The following CDK19 variants were observed in gnomAD, a reference collection of about 807,000 sequenced individuals.
The protein encoded by CDK19 is cyclin-dependent kinase 19.
CDK19 carries 20 observed loss-of-function variants against 68.3 expected under a neutral mutation model. The observed-to-expected ratio is 0.29, with a 90% CI of 0.21 to 0.43. The LOEUF is 0.43. Ranked by LOEUF, CDK19 falls within the 20% of genes least tolerant of loss-of-function variation. The pLI is 1.00. For synonymous variants in CDK19, 221 were observed against 222.8 expected, an observed-to-expected ratio of 0.99 and a Z score of 0.07; for missense variants, 339 against 623.5, an observed-to-expected ratio of 0.54 and a Z score of 4.86.
intron 1 of CDK19, among the ~76,000 whole-genome samples, chr6:110,751,991 G>C (rs903887318): frequency 1.3e-5 from 2 of 151,814 alleles, no homozygotes; most frequent in African/African-American, 2.4e-5. Flanking sequence ...GCTTAGCCGA[G>C]TAGGAGGCTT....
At chr6:110,687,810 T>C (rs905712649) in intron 2 of CDK19, among the ~76,000 whole-genome samples, 2 of 152,202 alleles carry the variant, frequency 1.3e-5, no homozygotes, top group Non-Finnish European at 2.9e-5. Context: ...ATTATAATAA[T>C]GAAGAATAAG....
chr6:110,764,897 G>A (rs1779466192), intron 1 of CDK19, among the ~76,000 whole-genome samples: 1 of 151,284 alleles, frequency 6.6e-6, no homozygotes, highest in South Asian at 2.1e-4. Flanking sequence ...GTTGCAGTGA[G>A]CCAAGATCGT....
Position 110,689,090 on chromosome 6 carries a change from T to C in CDK19, c.205-18549A>G, listed in dbSNP as rs1490012075. On this transcript the variant is annotated intron_variant, in intron 2 of 12. Coordinates refer to ENST00000368911, the MANE Select transcript of CDK19 (RefSeq NM_015076.5). ...GAATACGGTGGGTGTCAGATCTGCC[T>C]TGCCAAGTGCATGGGAACTGGGTGG... Among the ~76,000 whole-genome samples, 3 of 152,248 alleles carry C rather than the reference T, an allele frequency of 2.0e-5. No homozygotes were observed. In the South Asian group the frequency reaches 6.2e-4, roughly 32 times the overall value.
chr6:110,660,865 TG>T (rs1275325752), intron 4 of CDK19, among the ~76,000 whole-genome samples: 13 of 152,326 alleles, frequency 8.5e-5, no homozygotes, highest in African/African-American at 3.1e-4. Context: ...AAAACAGGGA[TG>T]TAAGTTCTCA....
At chr6:110,640,711 G>A (rs895063903) in intron 4 of CDK19, among the ~76,000 whole-genome samples, 1 of 152,176 alleles carries the variant, frequency 6.6e-6, no homozygotes, top group Non-Finnish European at 1.5e-5. Flanking sequence ...AGCACTTTGG[G>A]AAGTCGAAGC....
intron 1 of CDK19, among the ~76,000 whole-genome samples, chr6:110,782,915 T>C (rs17218274): frequency 0.027 from 4,048 of 152,306 alleles, 81 homozygotes; most frequent in South Asian, 0.084. Flanking sequence ...TTCCTCTGCA[T>C]AGACTAAACA....
rs1192567166 is a variant in CDK19 at position 110,667,575 on chromosome 6, C to G, written c.316-1G>C. The G allele has an allele frequency of 1.3e-6, 2 of 1,490,168 alleles. No individual in the cohort carries two copies. Among genetic ancestry groups the G allele is most frequent in the Non-Finnish European group, 1.8e-6 (2 of 1,101,138 alleles). The allele number at this position is 1,490,168 out of a possible 1,614,324, so 92.3% of individuals were successfully genotyped here. ...ATGCACGGTGAAACTTAATAATATG[C>G]TAAAAATTAAAAAAAAACATAATAA... On this transcript the variant is annotated splice_acceptor_variant, in intron 3 of 12. Coordinates refer to ENST00000368911, the MANE Select transcript of CDK19 (RefSeq NM_015076.5). LOFTEE classifies it high-confidence loss of function.
intron 2 of CDK19, among the ~76,000 whole-genome samples, chr6:110,705,316 A>G (rs1269001651): frequency 6.6e-6 from 1 of 152,218 alleles, no homozygotes; most frequent in Non-Finnish European, 1.5e-5. Context: ...CTGGGATTAC[A>G]GGCGTGAGCC....
chr6:110,626,114 G>A (rs970700272), intron 8 of CDK19, among the ~76,000 whole-genome samples: 1 of 152,170 alleles, frequency 6.6e-6, no homozygotes, highest in Non-Finnish European at 1.5e-5. Flanking sequence ...CTCAGATAAA[G>A]ATAAAACCAC....
At chr6:110,694,962 G>C (rs1304470221) in intron 2 of CDK19, among the ~76,000 whole-genome samples, 2 of 152,022 alleles carry the variant, frequency 1.3e-5, no homozygotes, top group African/African-American at 4.8e-5. Flanking sequence ...ACTAAAAATA[G>C]AAAAATTAGC....
chr6:110,734,817 G>A (rs1449131387), intron 2 of CDK19, among the ~76,000 whole-genome samples: 1 of 151,800 alleles, frequency 6.6e-6, no homozygotes, highest in Non-Finnish European at 1.5e-5. Context: ...TGAGGGAAAG[G>A]GAAAAACTGT....
intron 1 of CDK19, among the ~76,000 whole-genome samples, chr6:110,756,028 G>A (rs952376265): frequency 1.3e-5 from 2 of 152,186 alleles, no homozygotes; most frequent in Non-Finnish European, 2.9e-5. Flanking sequence ...GGGAGACCAA[G>A]GCAGGCAGAT....
intron 4 of CDK19, among the ~76,000 whole-genome samples, chr6:110,659,953 C>T (rs887261302): frequency 3.9e-5 from 6 of 152,042 alleles, no homozygotes; most frequent in African/African-American, 7.2e-5. Flanking sequence ...ATTGCATTTC[C>T]ACTAAATAAA....
chr6:110,765,800 T>C (rs898346351), intron 1 of CDK19, among the ~76,000 whole-genome samples: 6 of 151,804 alleles, frequency 4.0e-5, no homozygotes, highest in African/African-American at 1.5e-4. Context: ...ATGATCTGAA[T>C]AGACATTTCT....
At chr6:110,669,861 A>G (rs1304015270) in intron 3 of CDK19, among the ~76,000 whole-genome samples, 1 of 152,184 alleles carries the variant, frequency 6.6e-6, no homozygotes, top group African/African-American at 2.4e-5. Flanking sequence ...TTACTTGCAT[A>G]AAAGTATAGT....
At position 110,765,977 on chromosome 6, in the gene CDK19, G is replaced by A. The variant is rs182334040; in HGVS notation, c.129-19776C>T. ...TGTTGGCAAGGAGGCAGAGAAAGGGGAACTCTTATATACTGTTGGTGAGAA... is the reference window on the plus strand; with the variant it reads ...TGTTGGCAAGGAGGCAGAGAAAGGGAAACTCTTATATACTGTTGGTGAGAA... On this transcript the variant is annotated intron_variant, in intron 1 of 12. Coordinates refer to ENST00000368911, the MANE Select transcript of CDK19 (RefSeq NM_015076.5). Among the ~76,000 whole-genome samples, 775 of 152,116 alleles carry A rather than the reference G, an allele frequency of 5.1e-3. 5 individuals are homozygous for A. The highest frequency in any genetic ancestry group is 8.1e-3 in the Non-Finnish European group (548 of 67,982).
At chr6:110,622,279 T>C (rs1263404362) in intron 10 of CDK19, 113 bp from the exon 11 acceptor site, 2 of 722,376 alleles carry the variant, frequency 2.8e-6, no homozygotes, top group Non-Finnish European at 4.6e-6. Context: ...ACTCTTCATC[T>C]GTGGCTAGTG....
chr6:110,815,650 G>C (rs1051631279), upstream of CDK19: 1 of 152,994 alleles, frequency 6.5e-6, no homozygotes, highest in East Asian at 1.9e-4. Context: ...GGTAGCGCAC[G>C]GCTCCCGGTT....
At chr6:110,811,905 A>G (rs1783130639) in intron 1 of CDK19, among the ~76,000 whole-genome samples, 1 of 151,140 alleles carries the variant, frequency 6.6e-6, no homozygotes, top group African/African-American at 2.4e-5. Context: ...TTAAAGTAAA[A>G]GAGAGTTGGA....
Sources: allele counts gnomAD v4.1 joint callset (sites outside exome capture counted in the v4.1 genomes callset), GRCh38; gene constraint gnomAD v4.1.1; transcripts MANE v1.5; gene names NCBI Gene and HGNC (gene_info 2026-07-23, HGNC 2026-07-21).